PRIM2: variants seen among roughly 807,000 people sequenced by gnomAD.
PRIM2 encodes the protein DNA primase subunit 2.
Under a neutral mutation model 67.3 loss-of-function variants are expected in PRIM2, and 39 were observed. The observed-to-expected ratio is 0.58, with a 90% CI of 0.45 to 0.76. PRIM2 has a LOEUF of 0.76. PRIM2 is among the 30% of genes least tolerant of loss of function. The pLI is 0.00. For synonymous variants in PRIM2, 143 were observed against 198.7 expected (o/e 0.72, Z 2.36); for missense variants, 398 against 598.7 (o/e 0.66, Z 3.50).
At position 57,318,542 on chromosome 6, in the gene PRIM2, C is replaced by A. The variant is rs1317493791; in HGVS notation, c.97C>A (p.Pro33Thr). 11 of 1,595,718 alleles carry A rather than the reference C, an allele frequency of 6.9e-6. No individual in the cohort carries two copies. Among genetic ancestry groups the A allele is most frequent in the Non-Finnish European group, 8.5e-6 (10 of 1,170,060 alleles). ...TTGCCTTCAGTTTTACTTGCAGCCA[C>A]CTTCTGAAAACATATCTTTAATAGA... ...PHCLQFYLQP[P>T]SENISLIEFE... Residue 33 changes from proline to threonine, a missense_variant, in exon 2 of 14, where the codon CCT becomes ACT. By Grantham distance (38) the Pro-to-Thr change is conservative. Coordinates refer to ENST00000615550, the MANE Select transcript of PRIM2 (RefSeq NM_000947.5).
intron 5 of PRIM2, among the ~76,000 whole-genome samples, chr6:57,338,205 G>A (rs372669819): frequency 6.6e-6 from 1 of 152,056 alleles, no homozygotes; most frequent in Non-Finnish European, 1.5e-5. Flanking sequence ...CTGAAATTGT[G>A]GTAATAATCA....
chr6:57,523,366 T>C (rs1774670743), intron 8 of PRIM2, among the ~76,000 whole-genome samples: 1 of 152,248 alleles, frequency 6.6e-6, no homozygotes, highest in Admixed American at 6.5e-5. Flanking sequence ...CTTACCCTCT[T>C]AATCACGCTT....
chr6:57,572,565 C>T (rs1292819844), intron 10 of PRIM2, among the ~76,000 whole-genome samples: 14,529 of 152,150 alleles, frequency 0.095, 878 homozygotes, highest in African/African-American at 0.17. Context: ...TTTAACAGTA[C>T]ATTATACATT....
chr6:57,310,012 C>CA (rs1767351488), upstream of PRIM2, among the ~76,000 whole-genome samples: 1 of 151,946 alleles, frequency 6.6e-6, no homozygotes, highest in Non-Finnish European at 1.5e-5. Flanking sequence ...AGGCAACCTA[C>CA]AAAATGGGAG....
At chr6:57,432,666 T>C (rs1235436976) in intron 7 of PRIM2, among the ~76,000 whole-genome samples, 1 of 152,236 alleles carries the variant, frequency 6.6e-6, no homozygotes, top group African/African-American at 2.4e-5. Context: ...CAGGTTAACA[T>C]GATCATATGT....
chr6:57,275,243 G>A, the PRIM2 span, among the ~76,000 whole-genome samples: 6 of 152,148 alleles, frequency 3.9e-5, no homozygotes, highest in Admixed American at 3.3e-4. Flanking sequence ...GGGTGCATTG[G>A]CTCAGGCCTG....
intron 7 of PRIM2, among the ~76,000 whole-genome samples, chr6:57,454,664 T>G (rs1175764338): frequency 6.2e-4 from 94 of 152,256 alleles, no homozygotes; most frequent in Non-Finnish European, 9.4e-4. Context: ...ATCTATTTGA[T>G]TCTTCTCTCT....
At chr6:57,486,490 A>G (rs1423968705) in intron 7 of PRIM2, among the ~76,000 whole-genome samples, 7 of 152,258 alleles carry the variant, frequency 4.6e-5, no homozygotes, top group African/African-American at 1.7e-4. Context: ...GACCACGGAA[A>G]GCAGATAATC....
At chr6:57,382,218 A>G (rs752651622) in intron 7 of PRIM2, 50 bp downstream of exon 7, 1 of 1,581,218 alleles carries the variant, frequency 6.3e-7, no homozygotes. Context: ...ACTTTCAGTT[A>G]TATACCCCTG....
chr6:57,440,190 C>G lies in PRIM2; in HGVS notation c.693+58022C>G, dbSNP rs755391948. Reference sequence around the variant, plus strand: ...GTATTATATTTTATTTTTAGGAGGACCTTTTATTTTTTTCTTTTCCTTTTT... The same window carrying G: ...GTATTATATTTTATTTTTAGGAGGAGCTTTTATTTTTTTCTTTTCCTTTTT... On this transcript the variant is annotated intron_variant, in intron 7 of 13. Coordinates refer to ENST00000615550, the MANE Select transcript of PRIM2 (RefSeq NM_000947.5). Among the ~76,000 whole-genome samples the G allele has an allele frequency of 1.5e-3, 220 of 151,102 alleles. 6 individuals carry two copies. The highest frequency in any genetic ancestry group is 9.6e-4 in the Non-Finnish European group (65 of 67,778).
At chr6:57,544,390 T>A (rs1305730253) in intron 10 of PRIM2, among the ~76,000 whole-genome samples, 2 of 152,192 alleles carry the variant, frequency 1.3e-5, no homozygotes, top group African/African-American at 4.8e-5. Flanking sequence ...ATGCTGACTT[T>A]AGCCATCAAG....
chr6:57,288,539 A>G, the PRIM2 span, among the ~76,000 whole-genome samples: 1 of 152,154 alleles, frequency 6.6e-6, no homozygotes, highest in African/African-American at 2.4e-5. Context: ...GATACCTCCC[A>G]ATAGGGGCAA....
At chr6:57,516,355 A>G (rs1283186827) in intron 8 of PRIM2, among the ~76,000 whole-genome samples, 1 of 152,192 alleles carries the variant, frequency 6.6e-6, no homozygotes, top group Non-Finnish European at 1.5e-5. Context: ...GTATGGAGTG[A>G]AAACAGCTTT....
the PRIM2 span, among the ~76,000 whole-genome samples, chr6:57,297,557 G>C: frequency 6.6e-6 from 1 of 152,184 alleles, no homozygotes; most frequent in African/African-American, 2.4e-5. Context: ...TGAGAAACAG[G>C]ATATTTACAT....
intron 7 of PRIM2, among the ~76,000 whole-genome samples, chr6:57,504,260 T>C (rs1349919189): frequency 7.2e-5 from 11 of 152,220 alleles, no homozygotes; most frequent in Non-Finnish European, 1.6e-4. Flanking sequence ...TACATGGATA[T>C]ATTGTGTAGT....
At chr6:57,429,754 G>A (rs1358769566) in intron 7 of PRIM2, among the ~76,000 whole-genome samples, 1 of 152,174 alleles carries the variant, frequency 6.6e-6, no homozygotes, top group African/African-American at 2.4e-5. Flanking sequence ...TGAGAACAGA[G>A]GAAAGACCCT....
intron 10 of PRIM2, among the ~76,000 whole-genome samples, chr6:57,554,767 T>G (rs1775477720): frequency 6.6e-6 from 1 of 152,240 alleles, no homozygotes; most frequent in African/African-American, 2.4e-5. Flanking sequence ...TTGAAGGATA[T>G]GCTACTTCAT....
At chr6:57,417,126 C>A (rs1291892122) in intron 7 of PRIM2, among the ~76,000 whole-genome samples, 1 of 151,954 alleles carries the variant, frequency 6.6e-6, no homozygotes, top group Non-Finnish European at 1.5e-5. Flanking sequence ...ACCACCATAC[C>A]CGGCTAATTT....
the PRIM2 span, among the ~76,000 whole-genome samples, chr6:57,273,101 T>A: frequency 6.6e-6 from 1 of 152,204 alleles, no homozygotes; most frequent in Non-Finnish European, 1.5e-5. Context: ...GACAATTATG[T>A]GTCTTGGAGT....
Sources: allele counts gnomAD v4.1 joint callset (sites outside exome capture counted in the v4.1 genomes callset), GRCh38; gene constraint gnomAD v4.1.1; transcripts MANE v1.5; gene names NCBI Gene and HGNC (gene_info 2026-07-23, HGNC 2026-07-21).